Variants in PAX7 observed in about 807,000 individuals in gnomAD.
The protein encoded by PAX7 is paired box 7.
Under a neutral mutation model 50.7 loss-of-function variants are expected in PAX7, and 18 were observed. The ratio of observed to expected loss-of-function variants is 0.36; its 90% CI spans 0.25 to 0.53. PAX7 has a LOEUF of 0.53. PAX7 is among the 20% of genes least tolerant of loss of function. The pLI is 0.93. For synonymous variants in PAX7, 310 were observed against 290.4 expected (o/e 1.07, Z -0.69); for missense variants, 644 against 702.9 (o/e 0.92, Z 0.95).
At chr1:18,648,620 G>A (rs913867740) in intron 4 of PAX7, among the ~76,000 whole-genome samples, 5 of 152,134 alleles carry the variant, frequency 3.3e-5, no homozygotes, top group African/African-American at 4.8e-5. Context: ...TGGGATTATA[G>A]TGATGAGCCG....
chr1:18,683,479 G>A (rs549035743), intron 4 of PAX7, among the ~76,000 whole-genome samples: 59 of 152,092 alleles, frequency 3.9e-4, no homozygotes, highest in Admixed American at 8.5e-4. Flanking sequence ...TTGGAGATTC[G>A]GCAACGAATC....
intron 4 of PAX7, among the ~76,000 whole-genome samples, chr1:18,649,305 C>T (rs889397737): frequency 2.0e-5 from 3 of 152,154 alleles, no homozygotes; most frequent in African/African-American, 7.2e-5. Flanking sequence ...TTTCCCCATG[C>T]TGGCAGTTCA....
intron 7 of PAX7, among the ~76,000 whole-genome samples, chr1:18,714,730 C>A (rs1223085325): frequency 6.6e-6 from 1 of 152,234 alleles, no homozygotes; most frequent in Non-Finnish European, 1.5e-5. Context: ...GGAGTCACAG[C>A]CTCCAGATCT....
chr1:18,674,187 G>A lies in PAX7; in HGVS notation c.587-17567G>A, dbSNP rs559737508. On this transcript the variant is annotated intron_variant, in intron 4 of 8. Coordinates refer to ENST00000420770, the MANE Select transcript of PAX7 (RefSeq NM_001135254.2). ...GCCAGGCCCTCTTCTGGGCATTGAG[G>A]ATAAAGCAATGAATAAAACAGATAA... Among the ~76,000 whole-genome samples, 6 of 152,218 alleles carry A rather than the reference G, an allele frequency of 3.9e-5. No homozygotes were observed. The East Asian group carries it at 1.2e-3, about 29-fold the overall frequency.
intron 7 of PAX7, among the ~76,000 whole-genome samples, chr1:18,708,273 A>AGGTGGG (rs1426783623): frequency 1.3e-5 from 2 of 152,062 alleles, no homozygotes; most frequent in Non-Finnish European, 2.9e-5. Context: ...AACAACTTAG[A>AGGTGGG]GGTGGGGTGC....
At chr1:18,730,535 C>T (rs2089633287) in intron 7 of PAX7, among the ~76,000 whole-genome samples, 1 of 149,788 alleles carries the variant, frequency 6.7e-6, no homozygotes, top group Non-Finnish European at 1.5e-5. Flanking sequence ...CCACCCACCA[C>T]AAACCCTGCC....
intron 4 of PAX7, among the ~76,000 whole-genome samples, chr1:18,640,068 G>T (rs1431401205): frequency 6.6e-6 from 1 of 151,906 alleles, no homozygotes; most frequent in Admixed American, 6.6e-5. Context: ...ACCATCTGAG[G>T]TGGGGGGAGG....
chr1:18,699,931 C>T (rs1319915565), intron 5 of PAX7, among the ~76,000 whole-genome samples: 1 of 152,140 alleles, frequency 6.6e-6, no homozygotes, highest in Non-Finnish European at 1.5e-5. Context: ...GCAACTTGAC[C>T]TCTGTGAGCC....
intron 4 of PAX7, among the ~76,000 whole-genome samples, chr1:18,688,015 G>A (rs573898939): frequency 3.9e-5 from 6 of 152,284 alleles, no homozygotes; most frequent in South Asian, 2.1e-4. Context: ...ACTGGGGCCC[G>A]GGGCTTGGCA....
chr1:18,704,711 A>C lies in PAX7; in HGVS notation c.1155+1415A>C, dbSNP rs371399175. Among the ~76,000 whole-genome samples, 391 of 152,232 alleles carry C rather than the reference A, an allele frequency of 2.6e-3. 13 individuals carry two copies. The South Asian group carries it at 0.046, about 18-fold the overall frequency. ...AGGCCCTTACAGTAAATTAAAAAAA[A>C]AAACAAACCTTTGTCTGAAACATTC... is the stretch of plus-strand genomic sequence containing the variant. On this transcript the variant is annotated intron_variant, in intron 7 of 8. Coordinates refer to ENST00000420770, the MANE Select transcript of PAX7 (RefSeq NM_001135254.2).
intron 8 of PAX7, among the ~76,000 whole-genome samples, chr1:18,739,606 A>C (rs1931011969): frequency 6.6e-6 from 1 of 152,162 alleles, no homozygotes; most frequent in Non-Finnish European, 1.5e-5. Context: ...GCCCATACTG[A>C]TGTGTACACA....
intron 1 of PAX7, among the ~76,000 whole-genome samples, chr1:18,633,692 C>G (rs1044856083): frequency 1.3e-5 from 2 of 152,254 alleles, no homozygotes; most frequent in Non-Finnish European, 2.9e-5. Context: ...TCACCCGTCC[C>G]TCGGCTGTGC....
rs772256591 is a variant in PAX7, at chr1:18,703,153, G to A, written c.1012G>A (p.Gly338Arg). The A allele has an allele frequency of 1.2e-6, 2 of 1,613,548 alleles. No individual in the cohort carries two copies. Among genetic ancestry groups the A allele is most frequent in the South Asian group, 1.1e-5 (1 of 91,070 alleles). Residue 338 changes from glycine (G) to arginine (R), a missense_variant, in exon 7 of 9, where the codon GGG becomes AGG. By Grantham distance (125) the Gly-to-Arg change is moderately radical (BLOSUM62 -2). Coordinates refer to ENST00000420770, the MANE Select transcript of PAX7 (RefSeq NM_001135254.2). ...PLPPSTMHQG[G>R]LAAAAAAADT... ...GCCACCGTCCACCATGCACCAGGGC[G>A]GGCTGGCTGCAGCGGCTGCAGCCGC...
chr1:18,676,468 C>A (rs1368032807), intron 4 of PAX7, among the ~76,000 whole-genome samples: 4 of 126,794 alleles, frequency 3.2e-5, no homozygotes, highest in Non-Finnish European at 6.2e-5. Flanking sequence ...CAGCCGGAGA[C>A]ACAAGAGGCC....
At chr1:18,722,227 G>A (rs1186703043) in intron 7 of PAX7, among the ~76,000 whole-genome samples, 2 of 152,132 alleles carry the variant, frequency 1.3e-5, no homozygotes, top group Non-Finnish European at 2.9e-5. Flanking sequence ...AGAGCGGGGG[G>A]CCCAGGTTGG....
intron 7 of PAX7, among the ~76,000 whole-genome samples, chr1:18,707,415 CTT>C (rs60914648): frequency 7.1e-5 from 2 of 28,066 alleles, no homozygotes; most frequent in African/African-American, 2.1e-4. Context: ...TTTTTTCTTT[CTT>C]TTTTTTTTTT....
rs538661358 is a variant in PAX7, at chr1:18,701,780, CCAG to C, written c.952+963_952+965del. 8.5e-4 allele frequency among the ~76,000 whole-genome samples: 129 copies of C among 152,246 alleles called. 1 individual carries two copies. In the East Asian group the frequency reaches 0.019, roughly 22 times the overall value. On this transcript the variant is annotated intron_variant, in intron 6 of 8. Transcript: ENST00000420770. ...CCTGGGAAGGAGGCCTCACTTGAGCCCAGTTCTCCCAGTGGCTTGAAGTATAAG... is the reference window on the plus strand; with the variant it reads ...CCTGGGAAGGAGGCCTCACTTGAGCCTTCTCCCAGTGGCTTGAAGTATAAG...
chr1:18,731,026 A>G (rs921791094), intron 7 of PAX7, among the ~76,000 whole-genome samples: 1 of 152,152 alleles, frequency 6.6e-6, no homozygotes, highest in Non-Finnish European at 1.5e-5. Flanking sequence ...AACCTTACAG[A>G]TGTGGAGGTC....
chr1:18,660,444 C>A (rs1488721257), intron 4 of PAX7, among the ~76,000 whole-genome samples: 2 of 150,754 alleles, frequency 1.3e-5, no homozygotes, highest in East Asian at 3.9e-4. Context: ...CCAAGTCCTT[C>A]CAGGGAAACC....
Sources: gnomAD v4.1 joint callset for allele counts (sites outside exome capture counted in the v4.1 genomes callset) on GRCh38, gnomAD v4.1.1 for gene constraint, MANE v1.5 for transcripts, NCBI Gene and HGNC (gene_info 2026-07-23, HGNC 2026-07-21) for gene names.